The following SHH variants were observed in gnomAD, a reference collection of about 807,000 sequenced individuals.
SHH encodes sonic hedgehog protein.
A neutral mutation model predicts 16.6 loss-of-function variants in SHH; 3 were observed. The ratio of observed to expected loss-of-function variants is 0.18; its 90% CI spans 0.08 to 0.47. SHH has a LOEUF of 0.47. Among genes scored for constraint, SHH ranks in the 20% least tolerant of loss-of-function variants. The pLI is 0.98. For synonymous variants in SHH, 351 were observed against 316.2 expected (o/e 1.11, Z -1.17); for missense variants, 499 against 665.0 (o/e 0.75, Z 2.75).
chr7:155,804,794 G>A (rs1803306240), intron 2 of SHH, among the ~76,000 whole-genome samples: 1 of 152,070 alleles, frequency 6.6e-6, no homozygotes, highest in Non-Finnish European at 1.5e-5. Context: ...CGGGGAGGAG[G>A]GCGGGGAGGG....
chr7:155,802,832 T>C lies in SHH; in HGVS notation c.*68A>G, dbSNP rs1157574043. 3.1e-6 allele frequency: 3 copies of C among 955,610 alleles called. No homozygotes were observed. The highest frequency in any genetic ancestry group is 2.3e-5 in the South Asian group (1 of 43,642). The allele number at this position is 955,610 out of a possible 1,614,324, so 59.2% of individuals were successfully genotyped here. A position where few individuals can be genotyped will look rare whatever the true frequency, so the allele number is the denominator to read the frequency against. ...GTTCGTGCGCCTTTTCCGAGTGTCT[T>C]TTTGCTTTGCGTTGCTGTTGCTGCC... On this transcript the variant is annotated 3_prime_UTR_variant, in exon 3 of 3. Coordinates refer to ENST00000297261, the MANE Select transcript of SHH (RefSeq NM_000193.4).
At chr7:155,805,204 CA>C (rs1433990114) in intron 2 of SHH, among the ~76,000 whole-genome samples, 3 of 152,052 alleles carry the variant, frequency 2.0e-5, no homozygotes, top group African/African-American at 7.2e-5. Context: ...AGGTTTTGCG[CA>C]GGGGGCGCCC....
chr7:155,800,494 G>T lies in SHH; in HGVS notation c.*2406C>A. 1 of 465,878 alleles carries T rather than the reference G, an allele frequency of 2.1e-6. No homozygotes were observed. 28.9% of individuals were successfully genotyped at this position (465,878 alleles called of 1,614,324 possible). A position where few individuals can be genotyped will look rare whatever the true frequency, so the allele number is the denominator to read the frequency against. On this transcript the variant is annotated 3_prime_UTR_variant, in exon 3 of 3. Coordinates refer to ENST00000297261, the MANE Select transcript of SHH (RefSeq NM_000193.4). Reference sequence around the variant, plus strand: ...GTCAACGCCTGGCTTCTCTCTGATCGTCTGGGCTGCACGGCCACATTGCCA... The same window carrying T: ...GTCAACGCCTGGCTTCTCTCTGATCTTCTGGGCTGCACGGCCACATTGCCA...
At position 155,803,114 on chromosome 7, in the gene SHH, G is replaced by T; in HGVS notation, c.1175C>A (p.Pro392His). The T allele has an allele frequency of 7.4e-7, 1 of 1,350,412 alleles. No homozygotes were observed. The highest frequency in any genetic ancestry group is 9.5e-7 in the Non-Finnish European group (1 of 1,052,882). 83.7% of individuals were successfully genotyped at this position (1,350,412 alleles called of 1,614,324 possible). ...GTCCCCGCCGCGGTCCGTGCGCGCGGGCGCCAGTGCAGCCAGGAGCGCGTG... is the reference window on the plus strand; with the variant it reads ...GTCCCCGCCGCGGTCCGTGCGCGCGTGCGCCAGTGCAGCCAGGAGCGCGTG... ...LAHALLAALAPARTDRGGDSG... is the reference protein window; with the variant it reads ...LAHALLAALAHARTDRGGDSG... The change falls in exon 3 of 3, where the codon CCC (proline) becomes CAC (histidine). Residue 392 changes from proline to histidine, a missense_variant. Coordinates refer to ENST00000297261, the MANE Select transcript of SHH (RefSeq NM_000193.4).
intron 2 of SHH, among the ~76,000 whole-genome samples, chr7:155,803,998 G>C (rs2117129912): frequency 6.6e-6 from 1 of 152,266 alleles, no homozygotes; most frequent in African/African-American, 2.4e-5. Flanking sequence ...TCCTGCAGAG[G>C]CCGGTGACAC....
At position 155,802,513 on chromosome 7, in the gene SHH, A is replaced by G. The variant is rs1294270728; in HGVS notation, c.*387T>C. The G allele has an allele frequency of 6.3e-6, 1 of 159,124 alleles. No individual in the cohort carries two copies. Among genetic ancestry groups the G allele is most frequent in the East Asian group, 1.7e-4 (1 of 5,742 alleles). The allele number at this position is 159,124 out of a possible 1,614,324, so 9.9% of individuals were successfully genotyped here. ...TGAGCAGGTTGCTTGGCCTCACAAA[A>G]TAATCTTTCCCCCGTGAGTACAGTT... On this transcript the variant is annotated 3_prime_UTR_variant, in exon 3 of 3. Coordinates refer to ENST00000297261, the MANE Select transcript of SHH (RefSeq NM_000193.4).
Position 155,812,098 on chromosome 7 carries a change from G to T in SHH, c.25C>A (p.Leu9Met). 1 of 1,614,186 alleles carries T rather than the reference G, an allele frequency of 6.2e-7. No individual in the cohort carries two copies. The highest frequency in any genetic ancestry group is 1.1e-5 in the South Asian group (1 of 91,082). MLLLARCL[L>M]LVLVSSLLVC... ...AGCAGCGAGGAGACGAGGACTAGCA[G>T]CAGACATCTCGCCAGCAGCAGCATC... The change falls in exon 1 of 3, where the codon CTG (leucine) becomes ATG (methionine). Residue 9 changes from leucine to methionine, a missense_variant. Leu to Met is a conservative substitution (Grantham distance 15). This residue lies in a region of SHH where 75 missense variants were observed against 115.0 expected (regional missense o/e 0.65). Transcript: ENST00000297261.
rs988598105 is a variant in SHH at position 155,800,056 on chromosome 7, G to A, written c.*2844C>T. On this transcript the variant is annotated 3_prime_UTR_variant, in exon 3 of 3. Transcript: ENST00000297261. ...CAGTTTCAAGTACATTGTGATACAC[G>A]TTTTGACAGGAATAGATATGCATTT... is the stretch of plus-strand genomic sequence containing the variant. The A allele has an allele frequency of 2.8e-5, 13 of 471,612 alleles. No individual in the cohort carries two copies. The highest frequency in any genetic ancestry group is 2.2e-4 in the African/African-American group (11 of 50,192). 29.2% of individuals were successfully genotyped at this position (471,612 alleles called of 1,614,324 possible).
At position 155,811,870 on chromosome 7, in the gene SHH, T is replaced by C; in HGVS notation, c.253A>G (p.Ile85Val). ...CCGGTGTTTTCTTCATCCTTAAATA[T>C]GATGTCGGGGTTGTAATTGGGGGTG... The part of the protein sequence containing the change: ...ELTPNYNPDI[I>V]FKDEENTGAD... Residue 85 changes from isoleucine to valine, a missense_variant, in exon 1 of 3, where the codon ATA becomes GTA. Physicochemically the swap from Ile to Val is conservative, Grantham distance 29. Coordinates refer to ENST00000297261, the MANE Select transcript of SHH (RefSeq NM_000193.4). 6.2e-7 allele frequency: 1 copy of C among 1,614,180 alleles called. No individual in the cohort carries two copies. The highest frequency in any genetic ancestry group is 8.5e-7 in the Non-Finnish European group (1 of 1,180,042).
Position 155,802,841 on chromosome 7 carries a change from G to T in SHH, c.*59C>A. 1.0e-6 allele frequency: 1 copy of T among 974,278 alleles called. No homozygotes were observed. The highest frequency in any genetic ancestry group is 1.4e-6 in the Non-Finnish European group (1 of 709,442). The allele number at this position is 974,278 out of a possible 1,614,324, so 60.4% of individuals were successfully genotyped here. A position where few individuals can be genotyped will look rare whatever the true frequency, so the allele number is the denominator to read the frequency against. On this transcript the variant is annotated 3_prime_UTR_variant, in exon 3 of 3. Transcript: ENST00000297261. ...CCTTTTCCGAGTGTCTTTTTGCTTT[G>T]CGTTGCTGTTGCTGCCCCGCCCCGC...
chr7:155,806,182 G>A (rs1302028540), intron 2 of SHH, 114 bp downstream of exon 2: 29 of 1,344,102 alleles, frequency 2.2e-5, no homozygotes, highest in Non-Finnish European at 2.7e-5. Flanking sequence ...TCATCGCCCA[G>A]CGACCCTGCT....
At chr7:155,806,917 C>G (rs1181493416) in intron 1 of SHH, 2 of 341,768 alleles carry the variant, frequency 5.9e-6, no homozygotes, top group South Asian at 5.6e-5. Context: ...TCCAGGGGCA[C>G]CCTCTGGGAT....
In SHH at chr7:155,800,384, G is replaced by A. The variant is rs1478389960; in HGVS notation, c.*2516C>T. 2.6e-6 allele frequency: 1 copy of A among 388,440 alleles called. No homozygotes were observed. The highest frequency in any genetic ancestry group is 5.1e-6 in the Non-Finnish European group (1 of 194,232). 24.1% of individuals were successfully genotyped at this position (388,440 alleles called of 1,614,324 possible). ...GGAGGGAGTGCCACCCAGGAGTGAG[G>A]ATTTCCCATCCGGGTGAAGCTCTGC... On this transcript the variant is annotated 3_prime_UTR_variant, in exon 3 of 3. Coordinates refer to ENST00000297261, the MANE Select transcript of SHH (RefSeq NM_000193.4).
intron 2 of SHH, among the ~76,000 whole-genome samples, chr7:155,805,167 G>T (rs1461164970): frequency 6.6e-6 from 1 of 151,970 alleles, no homozygotes; most frequent in East Asian, 2.0e-4. Context: ...CCGCTAGGGG[G>T]ACCCCGCGGG....
intron 2 of SHH, among the ~76,000 whole-genome samples, chr7:155,804,140 G>C (rs560612554): frequency 6.6e-6 from 1 of 151,834 alleles, no homozygotes; most frequent in South Asian, 2.1e-4. Flanking sequence ...CGCGGGCGCC[G>C]GGCGCACCCT....
In SHH at chr7:155,801,244, G is replaced by A. The variant is rs9333643; in HGVS notation, c.*1656C>T. ...TCAACAGCAGCCCCGACATTCCAGC[G>A]ACTGGCCCTCGCCACTGTGGGCTTG... On this transcript the variant is annotated 3_prime_UTR_variant, in exon 3 of 3. Coordinates refer to ENST00000297261, the MANE Select transcript of SHH (RefSeq NM_000193.4). The A allele has an allele frequency of 0.013, 1,983 of 152,822 alleles. 20 individuals are homozygous for A. The highest frequency in any genetic ancestry group is 0.051 in the Middle Eastern group (15 of 296). The allele number at this position is 152,822 out of a possible 1,614,324, so 9.5% of individuals were successfully genotyped here.
chr7:155,811,496 G>C (rs1450497818), intron 1 of SHH, among the ~76,000 whole-genome samples: 1 of 152,226 alleles, frequency 6.6e-6, no homozygotes, highest in African/African-American at 2.4e-5. Context: ...CGCCCCCAAA[G>C]TGAAGGTCTC....
intron 2 of SHH, among the ~76,000 whole-genome samples, chr7:155,805,068 AGCGGCTCCCGCGCC>A (rs1803314377): frequency 6.6e-6 from 1 of 151,472 alleles, no homozygotes; most frequent in African/African-American, 2.4e-5. Context: ...AATGCCAATG[AGCGGCTCCCGCGCC>A]GCGGCTCCGC....
At chr7:155,806,692 T>A (rs1584800922) in intron 1 of SHH, 135 bp from the exon 2 acceptor site, 7 of 1,112,130 alleles carry the variant, frequency 6.3e-6, no homozygotes, top group African/African-American at 1.5e-5. Context: ...AGACGGGGGT[T>A]GGAATGGCCC....
Sources: allele counts gnomAD v4.1 joint callset (sites outside exome capture counted in the v4.1 genomes callset), GRCh38; gene constraint gnomAD v4.1.1; regional missense constraint gnomAD v4.1.1; transcripts MANE v1.5; gene names NCBI Gene and HGNC (gene_info 2026-07-23, HGNC 2026-07-21).